Variants in MAML2 observed in about 807,000 individuals in gnomAD.
MAML2 encodes the protein mastermind like transcriptional coactivator 2, also known as mastermind-like protein 2.
Under a neutral mutation model 96.1 loss-of-function variants are expected in MAML2, and 22 were observed. The observed-to-expected ratio is 0.23, with a 90% CI of 0.16 to 0.33. The LOEUF (loss-of-function observed/expected upper bound fraction) is 0.33. Among genes scored for constraint, MAML2 ranks in the 10% least tolerant of loss-of-function variants. MAML2 has a pLI of 1.00. For missense variants in MAML2, 1,367 were observed against 1,392.4 expected, an observed-to-expected ratio of 0.98 and a Z score of 0.29; for synonymous variants, 561 against 521.3, an observed-to-expected ratio of 1.08 and a Z score of -1.04.
At chr11:96,298,408 G>A (rs1272433964) in intron 1 of MAML2, among the ~76,000 whole-genome samples, 1 of 152,186 alleles carries the variant, frequency 6.6e-6, no homozygotes, top group Non-Finnish European at 1.5e-5. Flanking sequence ...GAGCTAAGTT[G>A]AAGGTTAGCC....
At chr11:96,236,972 T>C (rs976871842) in intron 1 of MAML2, among the ~76,000 whole-genome samples, 2 of 152,218 alleles carry the variant, frequency 1.3e-5, no homozygotes, top group African/African-American at 4.8e-5. Flanking sequence ...AGAACAGCAC[T>C]GTCTGCTTTT....
chr11:96,130,294 G>T (rs1034739923), intron 1 of MAML2, among the ~76,000 whole-genome samples: 1 of 152,154 alleles, frequency 6.6e-6, no homozygotes, highest in Non-Finnish European at 1.5e-5. Flanking sequence ...ACTTCCAAAA[G>T]GGTGTCATTT....
chr11:96,238,771 A>C (rs1862396590), intron 1 of MAML2, among the ~76,000 whole-genome samples: 2 of 152,238 alleles, frequency 1.3e-5, no homozygotes, highest in Admixed American at 1.3e-4. Flanking sequence ...ATGTGTTTAC[A>C]AAATGGGGTA....
intron 2 of MAML2, among the ~76,000 whole-genome samples, chr11:96,019,509 G>C (rs1858403469): frequency 6.6e-6 from 1 of 151,920 alleles, no homozygotes; most frequent in African/African-American, 2.4e-5. Context: ...AATACAGTTA[G>C]AGCCATAATA....
At chr11:95,980,623 T>C (rs752521750) in intron 4 of MAML2, among the ~76,000 whole-genome samples, 5 of 152,336 alleles carry the variant, frequency 3.3e-5, no homozygotes, top group Non-Finnish European at 7.3e-5. Context: ...GTGAGCCACC[T>C]TTGCTTATGG....
intron 1 of MAML2, among the ~76,000 whole-genome samples, chr11:96,299,886 C>A (rs1217697645): frequency 6.6e-6 from 1 of 152,070 alleles, no homozygotes; most frequent in Non-Finnish European, 1.5e-5. Context: ...GGAATCAAAA[C>A]CAAAACAATG....
intron 2 of MAML2, among the ~76,000 whole-genome samples, chr11:96,058,468 C>T (rs1859103879): frequency 6.6e-6 from 1 of 152,198 alleles, no homozygotes; most frequent in South Asian, 2.1e-4. Context: ...TACGGGCATG[C>T]GCCACCATGC....
chr11:96,328,481 T>C (rs1863814057), intron 1 of MAML2, among the ~76,000 whole-genome samples: 1 of 151,824 alleles, frequency 6.6e-6, no homozygotes, highest in Admixed American at 6.6e-5. Context: ...TCTTGCTCTG[T>C]TGTTGAAAAA....
At chr11:96,339,550 C>A (rs1863963477) in intron 1 of MAML2, among the ~76,000 whole-genome samples, 1 of 152,234 alleles carries the variant, frequency 6.6e-6, no homozygotes, top group African/African-American at 2.4e-5. Context: ...CCCGCTCCGG[C>A]CTTGACACCC....
chr11:96,222,953 C>T (rs1862160839), intron 1 of MAML2, among the ~76,000 whole-genome samples: 2 of 151,802 alleles, frequency 1.3e-5, no homozygotes, highest in African/African-American at 4.8e-5. Flanking sequence ...TGCCTTTTTT[C>T]CCAGAAAACT....
chr11:96,166,195 A>T (rs1288708746), intron 1 of MAML2, among the ~76,000 whole-genome samples: 2 of 150,816 alleles, frequency 1.3e-5, no homozygotes, highest in Non-Finnish European at 3.0e-5. Flanking sequence ...ACACACACAC[A>T]CACACACACA....
At chr11:96,136,402 T>G (rs1257439809) in intron 1 of MAML2, among the ~76,000 whole-genome samples, 1 of 151,402 alleles carries the variant, frequency 6.6e-6, no homozygotes, top group African/African-American at 2.5e-5. Flanking sequence ...AAAGATGTTG[T>G]TGATTATGTA....
At chr11:96,109,280 G>T (rs1314151132) in intron 1 of MAML2, among the ~76,000 whole-genome samples, 1 of 152,172 alleles carries the variant, frequency 6.6e-6, no homozygotes, top group African/African-American at 2.4e-5. Context: ...CAGAAGTCTG[G>T]TCTGGCTTTG....
intron 1 of MAML2, among the ~76,000 whole-genome samples, chr11:96,260,461 G>A (rs1300363238): frequency 6.6e-6 from 1 of 152,164 alleles, no homozygotes; most frequent in Non-Finnish European, 1.5e-5. Context: ...TTGGAATGGA[G>A]GTGCAGCATA....
At chr11:96,024,914 G>A (rs920219944) in intron 2 of MAML2, among the ~76,000 whole-genome samples, 1 of 152,142 alleles carries the variant, frequency 6.6e-6, no homozygotes, top group African/African-American at 2.4e-5. Flanking sequence ...ACAGTGCTCT[G>A]TTCAAAACTC....
chr11:95,980,848 A>G (rs962606973), intron 4 of MAML2, among the ~76,000 whole-genome samples: 1 of 152,224 alleles, frequency 6.6e-6, no homozygotes, highest in Non-Finnish European at 1.5e-5. Flanking sequence ...GGATATTGAC[A>G]GAGACCCAGG....
At chr11:96,174,397 A>G (rs983057682) in intron 1 of MAML2, among the ~76,000 whole-genome samples, 11 of 152,022 alleles carry the variant, frequency 7.2e-5, no homozygotes, top group African/African-American at 2.7e-4. Context: ...ATTTTATTTT[A>G]TTTTGAGATG....
chr11:96,216,893 G>T (rs1444001229), intron 1 of MAML2, among the ~76,000 whole-genome samples: 6 of 152,148 alleles, frequency 3.9e-5, no homozygotes, highest in African/African-American at 1.4e-4. Context: ...AAAAGCAAAG[G>T]TTCACCAGGA....
intron 1 of MAML2, among the ~76,000 whole-genome samples, chr11:96,244,917 TA>T (rs1862490047): frequency 6.6e-6 from 1 of 151,156 alleles, no homozygotes; most frequent in Non-Finnish European, 1.5e-5. Context: ...ACAAAATACT[TA>T]AAAAAAGGAT....
Sources: allele counts gnomAD v4.1 joint callset (sites outside exome capture counted in the v4.1 genomes callset), GRCh38; gene constraint gnomAD v4.1.1; transcripts MANE v1.5; gene names NCBI Gene and HGNC (gene_info 2026-07-23, HGNC 2026-07-21).